ASB18: variants seen among roughly 807,000 people sequenced by gnomAD.
ASB18 encodes ankyrin repeat and SOCS box containing 18, also known as ankyrin repeat and SOCS box protein 18.
ASB18 carries 33 observed loss-of-function variants against 33.4 expected under a neutral mutation model. The ratio of observed to expected loss-of-function variants is 0.99; its 90% CI spans 0.75 to 1.32. ASB18 has a LOEUF of 1.32. ASB18 is among the 40% of genes most tolerant of loss of function. ASB18 has a pLI of 0.00. For synonymous variants in ASB18, 295 were observed against 307.6 expected (o/e 0.96, Z 0.43); for missense variants, 694 against 655.5 (o/e 1.06, Z -0.64).
chr2:236,239,118 G>A lies in ASB18; in HGVS notation c.329-1162C>T, dbSNP rs773202304. Among the ~76,000 whole-genome samples, 2 of 152,290 alleles carry A rather than the reference G, an allele frequency of 1.3e-5. No homozygotes were observed. Among genetic ancestry groups the A allele is most frequent in the Non-Finnish European group, 2.9e-5 (2 of 68,030 alleles). ...TGCCCTTCCCAGTGAAGACCAGGTCGGATCTGGAGGGGGTGATGGATGTAG... is the reference window on the plus strand; with the variant it reads ...TGCCCTTCCCAGTGAAGACCAGGTCAGATCTGGAGGGGGTGATGGATGTAG... On this transcript the variant is annotated intron_variant, in intron 2 of 5. Transcript: ENST00000409749. This position sits in a 1 kb window ranked among gnomAD's most constrained non-coding sequence, Gnocchi z 5.6.
chr2:236,198,612 C>A (rs2060385411), intron 4 of ASB18, among the ~76,000 whole-genome samples: 1 of 152,160 alleles, frequency 6.6e-6, no homozygotes, highest in South Asian at 2.1e-4. Flanking sequence ...ATGATCCGCC[C>A]ACCTCAGCCT....
intron 1 of ASB18, chr2:236,247,230 T>G (rs1276398247): frequency 7.1e-6 from 1 of 141,458 alleles, no homozygotes; most frequent in Non-Finnish European, 1.6e-5. Flanking sequence ...GAGAGCTGTC[T>G]TTTTTTTTTT....
intron 4 of ASB18, chr2:236,210,241 G>A (rs1162489694): frequency 6.6e-6 from 1 of 152,272 alleles, no homozygotes. Flanking sequence ...AAGTACTAAA[G>A]GGATGCCCGT....
rs1204544884 is a variant in ASB18 at position 236,253,037 on chromosome 2, T to G, written c.205+11104A>C. ...GCTGCCCCTGGGGTCAGCCAAGGCA[T>G]GGTTAGGTGGCGTCAAGGATCCCCA... On this transcript the variant is annotated intron_variant, in intron 1 of 5. Coordinates refer to ENST00000409749, the MANE Select transcript of ASB18 (RefSeq NM_212556.4). This position sits in a 1 kb window ranked among gnomAD's most constrained non-coding sequence, Gnocchi z 5.4. Among the ~76,000 whole-genome samples the G allele has an allele frequency of 6.6e-6, 1 of 152,144 alleles. No individual in the cohort carries two copies. Among genetic ancestry groups the G allele is most frequent in the Non-Finnish European group, 1.5e-5 (1 of 68,026 alleles).
rs1475340135 is a variant in ASB18, at chr2:236,222,631, T to G, written c.597-7765A>C. Among the ~76,000 whole-genome samples the G allele has an allele frequency of 6.6e-6, 1 of 152,078 alleles. No individual in the cohort carries two copies. Among genetic ancestry groups the G allele is most frequent in the East Asian group, 1.9e-4 (1 of 5,186 alleles). On this transcript the variant is annotated intron_variant, in intron 3 of 5. Coordinates refer to ENST00000409749, the MANE Select transcript of ASB18 (RefSeq NM_212556.4). The surrounding 1 kb of genome is among the most constrained non-coding windows in gnomAD (Gnocchi z 5.5). Reference sequence around the variant, plus strand: ...CAGGATGGGGCCTGGTGGGAGGTGGTTGGTTCATGGGGGTAGGTCTCTCAC... The same window carrying G: ...CAGGATGGGGCCTGGTGGGAGGTGGGTGGTTCATGGGGGTAGGTCTCTCAC...
chr2:236,214,693 C>T lies in ASB18; in HGVS notation c.770G>A (p.Ser257Asn). Residue 257 changes from serine to asparagine, a missense_variant, in exon 4 of 6, where the codon AGC (serine) becomes AAC (asparagine). Coordinates refer to ENST00000409749, the MANE Select transcript of ASB18 (RefSeq NM_212556.4). The surrounding 1 kb of genome is among the most constrained non-coding windows in gnomAD (Gnocchi z 6.5). ...CCTCCGCGCCGCACCGCAGGCCGCG[C>T]TCAGAGCCGTCTCTCCGCGGCCGTT... Reference protein sequence around the residue: ...ARNGRGETALSAACGAARRPD... With the variant: ...ARNGRGETALNAACGAARRPD... 8.7e-7 allele frequency: 1 copy of T among 1,146,352 alleles called. No homozygotes were observed. The highest frequency in any genetic ancestry group is 1.1e-6 in the Non-Finnish European group (1 of 934,190). The allele number at this position is 1,146,352 out of a possible 1,614,324, so 71.0% of individuals were successfully genotyped here.
rs919200123 is a variant in ASB18 at position 236,223,363 on chromosome 2, C to T, written c.597-8497G>A. Among the ~76,000 whole-genome samples the T allele has an allele frequency of 6.6e-6, 1 of 152,010 alleles. No individual in the cohort carries two copies. Among genetic ancestry groups the T allele is most frequent in the Admixed American group, 6.6e-5 (1 of 15,260 alleles). On this transcript the variant is annotated intron_variant, in intron 3 of 5. Coordinates refer to ENST00000409749, the MANE Select transcript of ASB18 (RefSeq NM_212556.4). This position sits in a 1 kb window ranked among gnomAD's most constrained non-coding sequence, Gnocchi z 4.6. ...TTCTCTTTCTCTCATCCCCTGGTCC[C>T]AATATACTAGGTGAAGAGGAAGACC...
Position 236,252,228 on chromosome 2 carries a change from G to A in ASB18, c.206-10826C>T, listed in dbSNP as rs543102679. 6.0e-5 allele frequency among the ~76,000 whole-genome samples: 9 copies of A among 151,202 alleles called. No individual in the cohort carries two copies. Among genetic ancestry groups the A allele is most frequent in the Admixed American group, 1.3e-4 (2 of 15,136 alleles). On this transcript the variant is annotated intron_variant, in intron 1 of 5. Coordinates refer to ENST00000409749, the MANE Select transcript of ASB18 (RefSeq NM_212556.4). The surrounding 1 kb of genome is among the most constrained non-coding windows in gnomAD (Gnocchi z 7.9). Reference sequence around the variant, plus strand: ...AGAGGTTGCAGTGAGCCAAGATTGCGCCACTGTACTCCAGCCTTGGCAACA... The same window carrying A: ...AGAGGTTGCAGTGAGCCAAGATTGCACCACTGTACTCCAGCCTTGGCAACA...
At position 236,237,963 on chromosome 2, in the gene ASB18, G is replaced by A; in HGVS notation, c.329-7C>T. ...TACTCCAGGGTCCAGAGGCCTGCGG[G>A]GAGGGAGGTGGGATGTAAGGTCAGG... On this transcript the variant is annotated splice_region_variant and splice_polypyrimidine_tract_variant and intron_variant, in intron 2 of 5. Coordinates refer to ENST00000409749, the MANE Select transcript of ASB18 (RefSeq NM_212556.4). This position sits in a 1 kb window ranked among gnomAD's most constrained non-coding sequence, Gnocchi z 6.2. The A allele has an allele frequency of 2.0e-6, 3 of 1,490,450 alleles. No homozygotes were observed. Among genetic ancestry groups the A allele is most frequent in the Non-Finnish European group, 2.7e-6 (3 of 1,127,856 alleles). 92.3% of individuals were successfully genotyped at this position (1,490,450 alleles called of 1,614,324 possible).
In ASB18 at chr2:236,196,371, A is replaced by C; in HGVS notation, c.1116T>G (p.Cys372Trp). The C allele has an allele frequency of 6.4e-7, 1 of 1,561,904 alleles. No homozygotes were observed. Among genetic ancestry groups the C allele is most frequent in the Non-Finnish European group, 8.7e-7 (1 of 1,151,914 alleles). The part of the protein sequence containing the change: ...PDAFPKVLKT[C>W]ASVPAVIEVL... Reference sequence around the variant, plus strand: ...CCTCGATGACTGCGGGGACAGATGCACAGGTCTTCAGCACCTGGTGGGAAG... The same window carrying C: ...CCTCGATGACTGCGGGGACAGATGCCCAGGTCTTCAGCACCTGGTGGGAAG... Residue 372 changes from cysteine to tryptophan, a missense_variant, in exon 5 of 6, where the codon TGT becomes TGG. Transcript: ENST00000409749. This position sits in a 1 kb window ranked among gnomAD's most constrained non-coding sequence, Gnocchi z 5.6.
chr2:236,224,254 T>G (rs34932640), intron 3 of ASB18, among the ~76,000 whole-genome samples: 1 of 149,094 alleles, frequency 6.7e-6, no homozygotes, highest in South Asian at 2.1e-4. Flanking sequence ...TATTTATTTG[T>G]GGTCTCATTT....
rs984454015 is a variant in ASB18 at position 236,263,957 on chromosome 2, T to C, written c.205+184A>G. On this transcript the variant is annotated intron_variant, in intron 1 of 5. Transcript: ENST00000409749. This position sits in a 1 kb window ranked among gnomAD's most constrained non-coding sequence, Gnocchi z 4.0. ...TGTGTTGTGTTGCACTTGTTGCTTA[T>C]GTCGCACACGCATGTACATGGTCTA... is the stretch of plus-strand genomic sequence containing the variant. 2.0e-5 allele frequency among the ~76,000 whole-genome samples: 3 copies of C among 152,242 alleles called. No individual in the cohort carries two copies. Among genetic ancestry groups the C allele is most frequent in the African/African-American group, 4.8e-5 (2 of 41,462 alleles).
intron 2 of ASB18, among the ~76,000 whole-genome samples, chr2:236,240,502 C>T (rs1291916060): frequency 6.6e-6 from 1 of 152,244 alleles, no homozygotes; most frequent in Non-Finnish European, 1.5e-5. Flanking sequence ...GCTGTAGATT[C>T]CAACGCATGT....
In ASB18 at chr2:236,239,962, C is replaced by T. The variant is rs1157055899; in HGVS notation, c.328+1318G>A. On this transcript the variant is annotated intron_variant, in intron 2 of 5. Transcript: ENST00000409749. The surrounding 1 kb of genome is among the most constrained non-coding windows in gnomAD (Gnocchi z 5.6). ...CTACTCACTGTCCGGGCTGCCGTTT[C>T]CTCAGTACCAGCCCACATCCCTTTG... is the stretch of plus-strand genomic sequence containing the variant. Among the ~76,000 whole-genome samples, 1 of 152,228 alleles carries T rather than the reference C, an allele frequency of 6.6e-6. No homozygotes were observed. The highest frequency in any genetic ancestry group is 2.4e-5 in the African/African-American group (1 of 41,458).
Position 236,249,027 on chromosome 2 carries a change from T to G in ASB18, c.206-7625A>C, listed in dbSNP as rs1010323078. ...GTTAAGAGGTTGTTGGTTGTTTTGA[T>G]GCATTGATATTTATACCCAAATTTA... On this transcript the variant is annotated intron_variant, in intron 1 of 5. Coordinates refer to ENST00000409749, the MANE Select transcript of ASB18 (RefSeq NM_212556.4). The surrounding 1 kb of genome is among the most constrained non-coding windows in gnomAD (Gnocchi z 4.6). The G allele has an allele frequency of 6.6e-6, 1 of 152,238 alleles. No homozygotes were observed. The highest frequency in any genetic ancestry group is 2.4e-5 in the African/African-American group (1 of 41,458). 9.4% of individuals were successfully genotyped at this position (152,238 alleles called of 1,614,324 possible).
chr2:236,194,842 A>C lies in ASB18; in HGVS notation c.*30T>G. The C allele has an allele frequency of 6.3e-7, 1 of 1,592,032 alleles. No homozygotes were observed. Among genetic ancestry groups the C allele is most frequent in the East Asian group, 2.2e-5 (1 of 44,452 alleles). On this transcript the variant is annotated 3_prime_UTR_variant, in exon 6 of 6. Coordinates refer to ENST00000409749, the MANE Select transcript of ASB18 (RefSeq NM_212556.4). The surrounding 1 kb of genome is among the most constrained non-coding windows in gnomAD (Gnocchi z 4.5). ...CCTCCATGGAAGGTCAGCGAGGAGAACAACAGTATTGGTTGCAGCGTTCTG... is the reference window on the plus strand; with the variant it reads ...CCTCCATGGAAGGTCAGCGAGGAGACCAACAGTATTGGTTGCAGCGTTCTG...
chr2:236,212,580 C>T (rs957501623), intron 4 of ASB18, among the ~76,000 whole-genome samples: 11 of 152,054 alleles, frequency 7.2e-5, no homozygotes, highest in African/African-American at 2.4e-4. Context: ...AATAATTGGC[C>T]CAGATATTTT....
chr2:236,202,292 T>A (rs758119287), intron 4 of ASB18, among the ~76,000 whole-genome samples: 1 of 151,054 alleles, frequency 6.6e-6, no homozygotes, highest in Non-Finnish European at 1.5e-5. Flanking sequence ...TTGTTTTAAA[T>A]GTATTTGAGA....
chr2:236,201,215 G>A (rs1164418709), intron 4 of ASB18, among the ~76,000 whole-genome samples: 3 of 151,916 alleles, frequency 2.0e-5, no homozygotes, highest in Non-Finnish European at 2.9e-5. Context: ...GCAGTGGTGT[G>A]ATCATGGCTC....
Sources: gnomAD v4.1 joint callset for allele counts (sites outside exome capture counted in the v4.1 genomes callset) on GRCh38, gnomAD v4.1.1 for gene constraint, Gnocchi (gnomAD v3.1) non-coding constraint, MANE v1.5 for transcripts, NCBI Gene and HGNC (gene_info 2026-07-23, HGNC 2026-07-21) for gene names.